GRID2: variants seen among roughly 807,000 people sequenced by gnomAD.
The protein encoded by GRID2 is glutamate receptor ionotropic, delta-2.
Under a neutral mutation model 114.8 loss-of-function variants are expected in GRID2, and 33 were observed. That is an observed-to-expected ratio of 0.29 (90% CI 0.22 to 0.38). The LOEUF (loss-of-function observed/expected upper bound fraction) is 0.38, where lower values mean the gene tolerates loss of function less well. Among genes scored for constraint, GRID2 ranks in the 10% least tolerant of loss-of-function variants. GRID2 has a pLI of 1.00. For synonymous variants in GRID2, 505 were observed against 449.9 expected, an observed-to-expected ratio of 1.12 and a Z score of -1.55; for missense variants, 1,184 against 1,257.7, an observed-to-expected ratio of 0.94 and a Z score of 0.89.
chr4:93,244,387 T>A (rs573227361), intron 8 of GRID2, among the ~76,000 whole-genome samples: 1 of 151,518 alleles, frequency 6.6e-6, no homozygotes, highest in African/African-American at 2.4e-5. Context: ...ATACTTAGAA[T>A]CTTTATTCGG....
chr4:92,322,805 G>T (rs540525446), intron 1 of GRID2, among the ~76,000 whole-genome samples: 90 of 152,174 alleles, frequency 5.9e-4, no homozygotes, highest in Middle Eastern at 6.8e-3. Flanking sequence ...TTTTGTTTTG[G>T]CTATGTTTTA....
intron 2 of GRID2, among the ~76,000 whole-genome samples, chr4:92,929,056 T>C (rs1750035776): frequency 1.3e-5 from 2 of 151,528 alleles, no homozygotes; most frequent in Non-Finnish European, 3.0e-5. Flanking sequence ...TAAATTAATG[T>C]GATCAGTATA....
At chr4:92,724,103 TG>T (rs1735941679) in intron 2 of GRID2, among the ~76,000 whole-genome samples, 2 of 152,124 alleles carry the variant, frequency 1.3e-5, no homozygotes. Flanking sequence ...TAATGGTACA[TG>T]GTACTATAAG....
chr4:92,649,470 A>T (rs528037423), intron 2 of GRID2, among the ~76,000 whole-genome samples: 1 of 150,964 alleles, frequency 6.6e-6, no homozygotes, highest in East Asian at 2.0e-4. Flanking sequence ...GCCCACCCAC[A>T]TTGGTGAGGG....
rs142440295 is a variant in GRID2 at position 93,345,162 on chromosome 4, A to G, written c.1246-50445A>G. ...AACATACTGATTTTATTTCTTTTGTATATATACTCAGAAGTAGGATTGCTG... is the reference window on the plus strand; with the variant it reads ...AACATACTGATTTTATTTCTTTTGTGTATATACTCAGAAGTAGGATTGCTG... On this transcript the variant is annotated intron_variant, in intron 8 of 15. Transcript: ENST00000282020. Among the ~76,000 whole-genome samples, 637 of 152,206 alleles carry G rather than the reference A, an allele frequency of 4.2e-3. 2 individuals carry two copies. Among genetic ancestry groups the G allele is most frequent in the African/African-American group, 0.014 (599 of 41,562 alleles).
intron 1 of GRID2, among the ~76,000 whole-genome samples, chr4:92,421,211 T>C (rs1045763890): frequency 6.6e-6 from 1 of 152,104 alleles, no homozygotes; most frequent in Non-Finnish European, 1.5e-5. Flanking sequence ...GTTTGTTGAG[T>C]GCTCTGTATG....
chr4:93,709,026 C>T (rs1202714343), intron 14 of GRID2, among the ~76,000 whole-genome samples: 1 of 152,002 alleles, frequency 6.6e-6, no homozygotes, highest in African/African-American at 2.4e-5. Context: ...TCAGTAGTTT[C>T]CATTTATATC....
intron 8 of GRID2, among the ~76,000 whole-genome samples, chr4:93,311,514 G>C (rs982693350): frequency 9.9e-5 from 15 of 152,238 alleles, no homozygotes; most frequent in Middle Eastern, 3.4e-3. Flanking sequence ...CACGTAGTTA[G>C]ATATATGTAT....
chr4:93,690,361 G>A (rs1259633249), intron 14 of GRID2, among the ~76,000 whole-genome samples: 2 of 151,950 alleles, frequency 1.3e-5, no homozygotes, highest in Non-Finnish European at 2.9e-5. Flanking sequence ...ATGTACTTCT[G>A]TGTTATTTAA....
chr4:92,779,198 G>GTGTGTGTGTGTA (rs1288437663), intron 2 of GRID2, among the ~76,000 whole-genome samples: 1 of 151,914 alleles, frequency 6.6e-6, no homozygotes, highest in East Asian at 1.9e-4. Flanking sequence ...GTGTGTGTGT[G>GTGTGTGTGTGTA]TGTGTGTGTG....
intron 4 of GRID2, among the ~76,000 whole-genome samples, chr4:93,154,264 A>T (rs1736976844): frequency 6.6e-6 from 1 of 152,056 alleles, no homozygotes; most frequent in African/African-American, 2.4e-5. Context: ...CAGTTCATAA[A>T]TATCTGCAGC....
At chr4:92,749,849 A>AT (rs1473579084) in intron 2 of GRID2, among the ~76,000 whole-genome samples, 1 of 151,362 alleles carries the variant, frequency 6.6e-6, no homozygotes, top group Non-Finnish European at 1.5e-5. Flanking sequence ...GGCACCTCAC[A>AT]TTTTATTGAT....
At chr4:92,406,514 G>A (rs1731033942) in intron 1 of GRID2, among the ~76,000 whole-genome samples, 1 of 152,064 alleles carries the variant, frequency 6.6e-6, no homozygotes, top group Non-Finnish European at 1.5e-5. Flanking sequence ...CTCTGGAAGT[G>A]ACTAGAGTTT....
intron 2 of GRID2, among the ~76,000 whole-genome samples, chr4:92,859,724 AT>A (rs1744404051): frequency 1.3e-5 from 2 of 152,152 alleles, no homozygotes; most frequent in Non-Finnish European, 2.9e-5. Context: ...GGGTTTCTTT[AT>A]TCTCTTTATT....
In GRID2 at chr4:93,259,894, T is replaced by C. The variant is rs559625636; in HGVS notation, c.1245+21404T>C. Among the ~76,000 whole-genome samples, 9 of 151,904 alleles carry C rather than the reference T, an allele frequency of 5.9e-5. No homozygotes were observed. The South Asian group carries it at 1.9e-3, about 31-fold the overall frequency. ...AAAAATATGTACATTTCTACTGCCT[T>C]TGCTATTAGTAAAGCACACTTAAAT... is the stretch of plus-strand genomic sequence containing the variant. On this transcript the variant is annotated intron_variant, in intron 8 of 15. Coordinates refer to ENST00000282020, the MANE Select transcript of GRID2 (RefSeq NM_001510.4).
In GRID2 at chr4:93,039,459, A is replaced by C. The variant is rs539198810; in HGVS notation, c.245-45536A>C. Among the ~76,000 whole-genome samples the C allele has an allele frequency of 6.6e-5, 10 of 152,148 alleles. 1 individual carries two copies. In the South Asian group the frequency reaches 1.9e-3, roughly 28 times the overall value. On this transcript the variant is annotated intron_variant, in intron 2 of 15. Coordinates refer to ENST00000282020, the MANE Select transcript of GRID2 (RefSeq NM_001510.4). The stretch of plus-strand genomic sequence containing the variant: ...TTCTGCACATGTACCTTAGAACTTA[A>C]AGTATAATTATATATATAGTATATA...
At chr4:92,399,076 C>T (rs562667551) in intron 1 of GRID2, among the ~76,000 whole-genome samples, 3 of 152,236 alleles carry the variant, frequency 2.0e-5, no homozygotes, top group South Asian at 4.1e-4. Flanking sequence ...TTCTGTAAGC[C>T]ATCCACATTT....
At chr4:93,002,020 T>G (rs1199651699) in intron 2 of GRID2, among the ~76,000 whole-genome samples, 1 of 151,406 alleles carries the variant, frequency 6.6e-6, no homozygotes. Context: ...TAAGTAATTC[T>G]GTAAGCTAGT....
At chr4:92,755,672 A>G (rs1171468586) in intron 2 of GRID2, among the ~76,000 whole-genome samples, 1 of 152,190 alleles carries the variant, frequency 6.6e-6, no homozygotes, top group Non-Finnish European at 1.5e-5. Flanking sequence ...AGGAGGCAGT[A>G]TGGATAAAAC....
Sources: gnomAD v4.1 joint callset for allele counts (sites outside exome capture counted in the v4.1 genomes callset) on GRCh38, gnomAD v4.1.1 for gene constraint, MANE v1.5 for transcripts, NCBI Gene and HGNC (gene_info 2026-07-23, HGNC 2026-07-21) for gene names.